The following UBE2G1 variants were observed in gnomAD, a reference collection of about 807,000 sequenced individuals.
The protein encoded by UBE2G1 is ubiquitin-conjugating enzyme E2 G1.
In UBE2G1, 5 loss-of-function variants were observed where a neutral mutation model predicts 22.7. The observed-to-expected ratio is 0.22, with a 90% confidence interval of 0.12 to 0.46. The LOEUF (loss-of-function observed/expected upper bound fraction) is 0.46. Among genes scored for constraint, UBE2G1 ranks in the 20% least tolerant of loss-of-function variants. UBE2G1 has a pLI of 0.99. For missense variants in UBE2G1, 88 were observed against 203.9 expected (o/e 0.43, Z 3.46); for synonymous variants, 74 against 67.5 (o/e 1.10, Z -0.47).
chr17:4,364,917 C>T (rs1970015222), intron 1 of UBE2G1, among the ~76,000 whole-genome samples: 1 of 152,182 alleles, frequency 6.6e-6, no homozygotes, highest in Admixed American at 6.5e-5. Flanking sequence ...TTATGAGTAT[C>T]CTGTAGTATC....
chr17:4,274,443 T>C (rs1364510276), intron 5 of UBE2G1, among the ~76,000 whole-genome samples: 1 of 152,030 alleles, frequency 6.6e-6, no homozygotes, highest in Admixed American at 6.5e-5. Flanking sequence ...GTGATCTGCC[T>C]ACCTCGGCCT....
At chr17:4,354,984 A>G (rs957212146) in intron 1 of UBE2G1, among the ~76,000 whole-genome samples, 2 of 151,934 alleles carry the variant, frequency 1.3e-5, no homozygotes, top group African/African-American at 4.8e-5. Flanking sequence ...AGTCCCAGCT[A>G]TAGGGAGGGA....
chr17:4,325,696 CAT>C (rs1969498022), intron 1 of UBE2G1, among the ~76,000 whole-genome samples: 1 of 152,190 alleles, frequency 6.6e-6, no homozygotes. Flanking sequence ...GGAGAACTCA[CAT>C]GTCCTGATTC....
At chr17:4,334,661 T>A (rs1003740298) in intron 1 of UBE2G1, among the ~76,000 whole-genome samples, 28 of 152,190 alleles carry the variant, frequency 1.8e-4, no homozygotes, top group Non-Finnish European at 3.5e-4. Flanking sequence ...TGCCTCAGCC[T>A]CCCGAGTAGC....
At chr17:4,336,145 A>T (rs1768100840) in intron 1 of UBE2G1, among the ~76,000 whole-genome samples, 1 of 152,178 alleles carries the variant, frequency 6.6e-6, no homozygotes, top group African/African-American at 2.4e-5. Context: ...AGACTGTCTC[A>T]AAAAGAAAAG....
chr17:4,295,151 T>C lies in UBE2G1; in HGVS notation c.247+1566A>G, dbSNP rs187306834. Reference sequence around the variant, plus strand: ...ACGATTGCCTATTATAATCAAGTAATGCAAGTGAAGGTAGAAGAAACTGTC... The same window carrying C: ...ACGATTGCCTATTATAATCAAGTAACGCAAGTGAAGGTAGAAGAAACTGTC... On this transcript the variant is annotated intron_variant, in intron 3 of 5. Transcript: ENST00000396981. Among the ~76,000 whole-genome samples, 118 of 152,178 alleles carry C rather than the reference T, an allele frequency of 7.8e-4. 3 individuals are homozygous for C. In the East Asian group the frequency reaches 0.016, roughly 21 times the overall value.
intron 1 of UBE2G1, among the ~76,000 whole-genome samples, chr17:4,346,398 C>T (rs1391301332): frequency 6.6e-6 from 1 of 151,346 alleles, no homozygotes; most frequent in Non-Finnish European, 1.5e-5. Context: ...TGAGTTACTG[C>T]AGTCTCATCT....
intron 1 of UBE2G1, among the ~76,000 whole-genome samples, chr17:4,364,731 C>T (rs1215559519): frequency 1.3e-5 from 2 of 152,180 alleles, no homozygotes; most frequent in Non-Finnish European, 2.9e-5. Flanking sequence ...AGGCGCCCTC[C>T]GCCACGCCCG....
intron 1 of UBE2G1, among the ~76,000 whole-genome samples, chr17:4,315,657 G>A (rs1267746460): frequency 2.0e-5 from 3 of 150,716 alleles, no homozygotes; most frequent in East Asian, 2.0e-4. Flanking sequence ...GGAGAATGGC[G>A]TGAACCCGGG....
At chr17:4,286,869 C>T (rs932454271) in intron 4 of UBE2G1, among the ~76,000 whole-genome samples, 3 of 151,964 alleles carry the variant, frequency 2.0e-5, no homozygotes, top group African/African-American at 7.3e-5. Flanking sequence ...TGGTGAAACC[C>T]CATCTCTACT....
intron 5 of UBE2G1, among the ~76,000 whole-genome samples, chr17:4,272,724 C>T (rs942721175): frequency 1.3e-5 from 2 of 152,132 alleles, no homozygotes; most frequent in African/African-American, 4.8e-5. Flanking sequence ...GTACAATTTA[C>T]AATTTAGTTC....
At chr17:4,353,809 C>CA (rs1969874042) in intron 1 of UBE2G1, among the ~76,000 whole-genome samples, 3 of 135,706 alleles carry the variant, frequency 2.2e-5, no homozygotes, top group South Asian at 2.3e-4. Context: ...CGTGCCCGGT[C>CA]AAATTTTTTT....
intron 1 of UBE2G1, among the ~76,000 whole-genome samples, chr17:4,352,789 A>G (rs192150928): frequency 1.6e-3 from 249 of 152,216 alleles, no homozygotes; most frequent in Non-Finnish European, 2.9e-3. Context: ...AATATTTTGT[A>G]TGAGGCCGGG....
chr17:4,356,287 G>A (rs924010778), intron 1 of UBE2G1, among the ~76,000 whole-genome samples: 1 of 151,818 alleles, frequency 6.6e-6, no homozygotes, highest in Admixed American at 6.6e-5. Flanking sequence ...GAACCCAGGA[G>A]GCAGAGGTTG....
chr17:4,269,492 A>C lies in UBE2G1; in HGVS notation c.*3062T>G, dbSNP rs967728031. ...GGAGACCAGACGGGCAAAGATACACAGGCACCACAGCCCAAAGCGGGCAGA... is the reference window on the plus strand; with the variant it reads ...GGAGACCAGACGGGCAAAGATACACCGGCACCACAGCCCAAAGCGGGCAGA... On this transcript the variant is annotated 3_prime_UTR_variant, in exon 6 of 6. Coordinates refer to ENST00000396981, the MANE Select transcript of UBE2G1 (RefSeq NM_003342.5). 5.4e-6 allele frequency: 1 copy of C among 185,454 alleles called. No individual in the cohort carries two copies. The highest frequency in any genetic ancestry group is 2.4e-5 in the African/African-American group (1 of 41,580). The allele number at this position is 185,454 out of a possible 1,614,324, so 11.5% of individuals were successfully genotyped here.
At chr17:4,346,968 C>A (rs143570020) in intron 1 of UBE2G1, among the ~76,000 whole-genome samples, 2 of 151,650 alleles carry the variant, frequency 1.3e-5, no homozygotes, top group African/African-American at 4.8e-5. Flanking sequence ...ACCTGGCCAA[C>A]ACAGTGAAAC....
chr17:4,295,827 A>G (rs989372650), intron 3 of UBE2G1, among the ~76,000 whole-genome samples: 1 of 150,104 alleles, frequency 6.7e-6, no homozygotes, highest in Non-Finnish European at 1.5e-5. Context: ...CAGGGGAGAG[A>G]GTCCAGTGGC....
chr17:4,354,896 C>G (rs866929860), intron 1 of UBE2G1, among the ~76,000 whole-genome samples: 9 of 151,636 alleles, frequency 5.9e-5, no homozygotes, highest in Middle Eastern at 3.4e-3. Context: ...ATCATCACAT[C>G]CCTGCACTCC....
chr17:4,318,071 T>G (rs1192257709), intron 1 of UBE2G1, among the ~76,000 whole-genome samples: 1 of 152,210 alleles, frequency 6.6e-6, no homozygotes, highest in Non-Finnish European at 1.5e-5. Context: ...ATCATTTCTA[T>G]TTTTTGAGTC....
Sources: allele counts gnomAD v4.1 joint callset (sites outside exome capture counted in the v4.1 genomes callset), GRCh38; gene constraint gnomAD v4.1.1; transcripts MANE v1.5; gene names NCBI Gene and HGNC (gene_info 2026-07-23, HGNC 2026-07-21).